Variants in PDGFRL observed in about 807,000 individuals in gnomAD.
PDGFRL encodes the protein platelet derived growth factor receptor like.
A neutral mutation model predicts 37.2 loss-of-function variants in PDGFRL; 46 were observed. The ratio of observed to expected loss-of-function variants is 1.24; its 90% CI spans 0.98 to 1.58. The LOEUF is 1.58. PDGFRL is among the 40% of genes most tolerant of loss of function. PDGFRL has a pLI of 0.00. For missense variants in PDGFRL, 692 were observed against 467.6 expected, an observed-to-expected ratio of 1.48 and a Z score of -4.43; for synonymous variants, 251 against 184.3, an observed-to-expected ratio of 1.36 and a Z score of -2.93.
At chr8:17,618,315 C>G (rs922352429) in intron 2 of PDGFRL, among the ~76,000 whole-genome samples, 1 of 152,174 alleles carries the variant, frequency 6.6e-6, no homozygotes, top group East Asian at 1.9e-4. Context: ...CTCAGCCTCC[C>G]AAAGTGTTGG....
chr8:17,594,804 G>C (rs1804017622), intron 2 of PDGFRL, among the ~76,000 whole-genome samples: 1 of 152,140 alleles, frequency 6.6e-6, no homozygotes, highest in South Asian at 2.1e-4. Flanking sequence ...GCCTCCCAAA[G>C]TGCTGGGATT....
chr8:17,641,898 C>CCCGCCCCCCCCCCACCCCCCCCT (rs1339224750), intron 5 of PDGFRL, among the ~76,000 whole-genome samples: 1 of 129,862 alleles, frequency 7.7e-6, no homozygotes, highest in African/African-American at 3.2e-5. Context: ...AATAGAGGTC[C>CCCGCCCCCCCCCCACCCCCCCCT]CCGCCACATT....
intron 1 of PDGFRL, among the ~76,000 whole-genome samples, chr8:17,582,946 G>A (rs1803738921): frequency 6.6e-6 from 1 of 152,090 alleles, no homozygotes; most frequent in Non-Finnish European, 1.5e-5. Flanking sequence ...CCTATCTCAG[G>A]TGCACCAGCT....
intron 1 of PDGFRL, among the ~76,000 whole-genome samples, chr8:17,587,686 G>A (rs1347427230): frequency 1.3e-5 from 2 of 152,050 alleles, no homozygotes; most frequent in African/African-American, 4.8e-5. Flanking sequence ...GGAGTGCAGT[G>A]GTGTGATCTC....
chr8:17,589,513 G>A lies in PDGFRL; in HGVS notation c.101G>A (p.Gly34Glu). ...AAGAACAAGCGTCCAAAAGAACCAG[G>A]AGAGAATAGAATCAAACCTACCAAC... is the stretch of plus-strand genomic sequence containing the variant. ...LPKNKRPKEPGENRIKPTNKK... is the reference protein window; with the variant it reads ...LPKNKRPKEPEENRIKPTNKK... The change falls in exon 2 of 6, where the codon GGA becomes GAA. Residue 34 changes from glycine (G) to glutamate (E), a missense_variant. By Grantham distance (98) the Gly-to-Glu change is moderately conservative. Coordinates refer to ENST00000251630, the MANE Select transcript of PDGFRL (RefSeq NM_001372073.1). 1 of 1,613,968 alleles carries A rather than the reference G, an allele frequency of 6.2e-7. No individual in the cohort carries two copies. The highest frequency in any genetic ancestry group is 1.1e-5 in the South Asian group (1 of 91,078).
intron 1 of PDGFRL, among the ~76,000 whole-genome samples, chr8:17,586,325 T>A (rs1030270770): frequency 6.6e-6 from 1 of 152,140 alleles, no homozygotes; most frequent in Admixed American, 6.5e-5. Context: ...CACCTCCAGC[T>A]CTTCCAGGAA....
rs773842635 is a variant in PDGFRL, at chr8:17,634,180, G to C, written c.906G>C (p.Glu302Asp). Residue 302 changes from glutamate to aspartate, a missense_variant, in exon 5 of 6, where the codon GAG (glutamate) becomes GAC (aspartate). Transcript: ENST00000251630. ...LCTVLGEPDV[E>D]VEFTWIFPGQ... ...CTGTCCTGGGGGAGCCCGATGTGGAGGTGGAGTTCACCTGGATCTTCCCAG... is the reference window on the plus strand; with the variant it reads ...CTGTCCTGGGGGAGCCCGATGTGGACGTGGAGTTCACCTGGATCTTCCCAG... 6 of 1,613,346 alleles carry C rather than the reference G, an allele frequency of 3.7e-6. No homozygotes were observed. The highest frequency in any genetic ancestry group is 5.1e-6 in the Non-Finnish European group (6 of 1,179,478).
intron 3 of PDGFRL, among the ~76,000 whole-genome samples, chr8:17,626,165 C>T (rs908846294): frequency 2.6e-5 from 4 of 152,230 alleles, no homozygotes; most frequent in Non-Finnish European, 5.9e-5. Flanking sequence ...AAGAAAACAT[C>T]TTCAATATTA....
chr8:17,621,267 C>A (rs933510660), intron 3 of PDGFRL, 65 bp downstream of exon 3: 12 of 1,096,532 alleles, frequency 1.1e-5, no homozygotes, highest in African/African-American at 1.6e-5. Context: ...GCTGAAGGTT[C>A]CCCCACTGCA....
chr8:17,638,647 A>G lies in PDGFRL; in HGVS notation c.940-3966A>G, dbSNP rs529410098. Among the ~76,000 whole-genome samples the G allele has an allele frequency of 1.1e-4, 16 of 149,352 alleles. No homozygotes were observed. In the South Asian group the frequency reaches 3.4e-3, roughly 32 times the overall value. Reference sequence around the variant, plus strand: ...ATCTATTGCTGACAGTGGAGTATTGAAGTTCCCCACTATTACTGTGTTGCA... The same window carrying G: ...ATCTATTGCTGACAGTGGAGTATTGGAGTTCCCCACTATTACTGTGTTGCA... On this transcript the variant is annotated intron_variant, in intron 5 of 5. Coordinates refer to ENST00000251630, the MANE Select transcript of PDGFRL (RefSeq NM_001372073.1).
intron 2 of PDGFRL, among the ~76,000 whole-genome samples, chr8:17,603,183 G>A (rs1379147516): frequency 1.3e-5 from 2 of 152,046 alleles, no homozygotes; most frequent in African/African-American, 2.4e-5. Context: ...GGGGTTTTGC[G>A]ATGTTGGCCA....
chr8:17,587,879 G>A (rs942122634), intron 1 of PDGFRL, among the ~76,000 whole-genome samples: 8 of 152,076 alleles, frequency 5.3e-5, no homozygotes, highest in South Asian at 2.1e-4. Context: ...ATCCACCTGC[G>A]TTGGCCTCCC....
intron 1 of PDGFRL, among the ~76,000 whole-genome samples, chr8:17,580,232 G>A (rs1156870575): frequency 6.6e-6 from 1 of 152,064 alleles, no homozygotes; most frequent in Non-Finnish European, 1.5e-5. Flanking sequence ...GAGCAATATA[G>A]CCAGATCTCT....
intron 2 of PDGFRL, among the ~76,000 whole-genome samples, chr8:17,600,840 G>T (rs1295976792): frequency 2.0e-5 from 3 of 151,142 alleles, no homozygotes; most frequent in Non-Finnish European, 4.4e-5. Context: ...AAATTAGCCA[G>T]GCATAGTAGT....
intron 2 of PDGFRL, among the ~76,000 whole-genome samples, chr8:17,609,634 T>TAAAAAAA (rs3040922): frequency 3.9e-4 from 17 of 43,540 alleles, no homozygotes; most frequent in African/African-American, 5.1e-4. Context: ...TGAGACTCTG[T>TAAAAAAA]AAAAAAAAAA....
intron 2 of PDGFRL, among the ~76,000 whole-genome samples, chr8:17,591,464 C>T (rs117435929): frequency 0.026 from 3,966 of 152,240 alleles, 78 homozygotes; most frequent in Middle Eastern, 0.058. Flanking sequence ...TAAACTCTGC[C>T]AGTTCTCAGT....
At chr8:17,639,278 G>A (rs958975288) in intron 5 of PDGFRL, among the ~76,000 whole-genome samples, 2 of 152,118 alleles carry the variant, frequency 1.3e-5, no homozygotes, top group Admixed American at 1.3e-4. Flanking sequence ...GTATTCAGAT[G>A]TGAGGTACTA....
chr8:17,642,000 A>C (rs1805123590), intron 5 of PDGFRL, among the ~76,000 whole-genome samples: 1 of 149,658 alleles, frequency 6.7e-6, no homozygotes, highest in South Asian at 2.1e-4. Context: ...TTATCACTGG[A>C]GTTGGGTGGA....
intron 2 of PDGFRL, among the ~76,000 whole-genome samples, chr8:17,602,338 G>A (rs1345924391): frequency 6.6e-6 from 1 of 152,156 alleles, no homozygotes; most frequent in Admixed American, 6.6e-5. Context: ...GGCTGCATGA[G>A]TCCCAGAACT....
Sources: gnomAD v4.1 joint callset for allele counts (sites outside exome capture counted in the v4.1 genomes callset) on GRCh38, gnomAD v4.1.1 for gene constraint, MANE v1.5 for transcripts, NCBI Gene and HGNC (gene_info 2026-07-23, HGNC 2026-07-21) for gene names.